Variants in PIK3CG observed in about 807,000 individuals in gnomAD.
The protein encoded by PIK3CG is phosphatidylinositol-4,5-bisphosphate 3-kinase catalytic subunit gamma.
Under a neutral mutation model 102.3 loss-of-function variants are expected in PIK3CG, and 55 were observed. The ratio of observed to expected loss-of-function variants is 0.54; its 90% CI spans 0.43 to 0.67. PIK3CG has a LOEUF of 0.67. Ranked by LOEUF, PIK3CG falls within the 30% of genes least tolerant of loss-of-function variation. PIK3CG has a pLI of 0.00. For missense variants in PIK3CG, 1,258 were observed against 1,391.8 expected (o/e 0.90, Z 1.53); for synonymous variants, 552 against 540.0 (o/e 1.02, Z -0.31).
Position 106,890,443 on chromosome 7 carries a change from A to C in PIK3CG, c.3030+4151A>C, listed in dbSNP as rs1791238483. 6.6e-6 allele frequency among the ~76,000 whole-genome samples: 1 copy of C among 152,180 alleles called. No individual in the cohort carries two copies. The highest frequency in any genetic ancestry group is 1.5e-5 in the Non-Finnish European group (1 of 68,028). On this transcript the variant is annotated intron_variant, in intron 10 of 10. Transcript: ENST00000496166. This position sits in a 1 kb window ranked among gnomAD's most constrained non-coding sequence, Gnocchi z 4.2. ...TGATCCGGCTGCCTCAGCCTCCCAAAGTGCTGGGACTACAGGCGTGAGCCA... is the reference window on the plus strand; with the variant it reads ...TGATCCGGCTGCCTCAGCCTCCCAACGTGCTGGGACTACAGGCGTGAGCCA...
chr7:106,887,799 GA>G (rs1562962907), intron 10 of PIK3CG, among the ~76,000 whole-genome samples: 1 of 152,026 alleles, frequency 6.6e-6, no homozygotes, highest in African/African-American at 2.4e-5. Context: ...TTAAAGGGGG[GA>G]AAACACTCAT....
chr7:106,890,123 G>A lies in PIK3CG; in HGVS notation c.3030+3831G>A, dbSNP rs1791230194. On this transcript the variant is annotated intron_variant, in intron 10 of 10. Transcript: ENST00000496166. This position sits in a 1 kb window ranked among gnomAD's most constrained non-coding sequence, Gnocchi z 4.2. Reference sequence around the variant, plus strand: ...AATAAACAAATGTATTTATATCATTGGCAAATGAAATTTGGCTTCTAAGTT... The same window carrying A: ...AATAAACAAATGTATTTATATCATTAGCAAATGAAATTTGGCTTCTAAGTT... Among the ~76,000 whole-genome samples, 2 of 152,108 alleles carry A rather than the reference G, an allele frequency of 1.3e-5. No homozygotes were observed. Among genetic ancestry groups the A allele is most frequent in the African/African-American group, 4.8e-5 (2 of 41,402 alleles).
At chr7:106,881,206 C>A (rs778690469) in intron 6 of PIK3CG, among the ~76,000 whole-genome samples, 2 of 152,080 alleles carry the variant, frequency 1.3e-5, no homozygotes, top group Non-Finnish European at 2.9e-5. Context: ...GCCAAAATTG[C>A]TGGGATTCTA....
In PIK3CG at chr7:106,869,142, A is replaced by G. The variant is rs2116458870; in HGVS notation, c.1581A>G (p.Ile527Met). Reference sequence around the variant, plus strand: ...TTCTGGACAATTACTGCCACCCGATAGCCCTGCCTAAGCATCAGCCCACCC... The same window carrying G: ...TTCTGGACAATTACTGCCACCCGATGGCCCTGCCTAAGCATCAGCCCACCC... ...SILLDNYCHPIALPKHQPTPD... is the reference protein window; with the variant it reads ...SILLDNYCHPMALPKHQPTPD... The change falls in exon 2 of 11, where the codon ATA becomes ATG. Residue 527 changes from isoleucine (I) to methionine (M), a missense_variant. Coordinates refer to ENST00000496166, the MANE Select transcript of PIK3CG (RefSeq NM_001282426.2). The surrounding 1 kb of genome is among the most constrained non-coding windows in gnomAD (Gnocchi z 5.3). 1.2e-6 allele frequency: 2 copies of G among 1,614,204 alleles called. No homozygotes were observed. Among genetic ancestry groups the G allele is most frequent in the Non-Finnish European group, 1.7e-6 (2 of 1,180,048 alleles).
rs751460830 is a variant in PIK3CG at position 106,874,842 on chromosome 7, C to G, written c.2391+39C>G. On this transcript the variant is annotated intron_variant, in intron 5 of 10. Transcript: ENST00000496166. The surrounding 1 kb of genome is among the most constrained non-coding windows in gnomAD (Gnocchi z 4.3). The stretch of plus-strand genomic sequence containing the variant: ...GGATGTCTCCATGTGGTCTTTATGT[C>G]TTGAAGATGTCTAACGTGCTTGCTG... 5.3e-6 allele frequency: 7 copies of G among 1,330,832 alleles called. No individual in the cohort carries two copies. In the East Asian group the frequency reaches 6.9e-5, roughly 13 times the overall value. The allele number at this position is 1,330,832 out of a possible 1,614,324, so 82.4% of individuals were successfully genotyped here.
intron 9 of PIK3CG, among the ~76,000 whole-genome samples, chr7:106,885,339 A>G (rs188403667): frequency 6.6e-6 from 1 of 152,262 alleles, no homozygotes; most frequent in Admixed American, 6.5e-5. Context: ...GCAGAGAAAG[A>G]ACAGAAAGAA....
At position 106,899,639 on chromosome 7, in the gene PIK3CG, AG is replaced by A. The variant is rs1288306043; in HGVS notation, c.3031-5469del. On this transcript the variant is annotated intron_variant, in intron 10 of 10. Coordinates refer to ENST00000496166, the MANE Select transcript of PIK3CG (RefSeq NM_001282426.2). This position sits in a 1 kb window ranked among gnomAD's most constrained non-coding sequence, Gnocchi z 4.6. ...AGATAATCATGTGGTTTTTGTCTTTAGTTCTTTGTATGTGAGAATCACATTT... is the reference window on the plus strand; with the variant it reads ...AGATAATCATGTGGTTTTTGTCTTTATTCTTTGTATGTGAGAATCACATTT... Among the ~76,000 whole-genome samples, 1 of 152,150 alleles carries A rather than the reference AG, an allele frequency of 6.6e-6. No homozygotes were observed. Among genetic ancestry groups the A allele is most frequent in the African/African-American group, 2.4e-5 (1 of 41,440 alleles).
chr7:106,900,103 A>G (rs1791505339), intron 10 of PIK3CG, among the ~76,000 whole-genome samples: 1 of 152,132 alleles, frequency 6.6e-6, no homozygotes, highest in South Asian at 2.1e-4. Flanking sequence ...GTGTCCAGGA[A>G]TGTATCCATC....
Position 106,907,473 on chromosome 7 carries a change from A to G in PIK3CG, c.*2086A>G, listed in dbSNP as rs1791716034. On this transcript the variant is annotated 3_prime_UTR_variant, in exon 11 of 11. Coordinates refer to ENST00000496166, the MANE Select transcript of PIK3CG (RefSeq NM_001282426.2). ...GATAAACATTTTGTGGCACTTCTGG[A>G]CCAACTATTCCCTACTATTCTTTTG... is the stretch of plus-strand genomic sequence containing the variant. Among the ~76,000 whole-genome samples, 1 of 152,150 alleles carries G rather than the reference A, an allele frequency of 6.6e-6. No homozygotes were observed. The highest frequency in any genetic ancestry group is 2.4e-5 in the African/African-American group (1 of 41,438).
rs940774964 is a variant in PIK3CG at position 106,894,657 on chromosome 7, A to T, written c.3030+8365A>T. ...AAATTCTCTGCCTTTGACTGGAATG[A>T]TTTTTATCCATTGTCTCCTTCCTCT... On this transcript the variant is annotated intron_variant, in intron 10 of 10. Coordinates refer to ENST00000496166, the MANE Select transcript of PIK3CG (RefSeq NM_001282426.2). The surrounding 1 kb of genome is among the most constrained non-coding windows in gnomAD (Gnocchi z 4.4). Among the ~76,000 whole-genome samples the T allele has an allele frequency of 2.0e-5, 3 of 152,322 alleles. No individual in the cohort carries two copies. The highest frequency in any genetic ancestry group is 6.5e-5 in the Admixed American group (1 of 15,298).
Position 106,905,316 on chromosome 7 carries a change from T to C in PIK3CG, c.3238T>C (p.Trp1080Arg). The change falls in exon 11 of 11, where the codon TGG becomes CGG. Residue 1080 changes from tryptophan to arginine, a missense_variant. By Grantham distance (101) the Trp-to-Arg change is moderately radical. Around this residue, in one of 2 missense-constraint regions of PIK3CG, gnomAD observed 426 missense variants for 604.2 expected, o/e 0.71. Transcript: ENST00000496166. This position sits in a 1 kb window ranked among gnomAD's most constrained non-coding sequence, Gnocchi z 5.6. ...GATCGAAGTTTGCAGAGACAAAGGA[T>C]GGACTGTGCAGTTTAATTGGTTTCT... is the stretch of plus-strand genomic sequence containing the variant. ...DQIEVCRDKG[W>R]TVQFNWFLHL... The C allele has an allele frequency of 6.2e-7, 1 of 1,614,094 alleles. No individual in the cohort carries two copies. The highest frequency in any genetic ancestry group is 8.5e-7 in the Non-Finnish European group (1 of 1,179,962).
In PIK3CG at chr7:106,868,245, C is replaced by A. The variant is rs776654271; in HGVS notation, c.684C>A (p.Thr228=). The change falls in exon 2 of 11, where the codon ACC becomes ACA. Residue 228 remains threonine, a synonymous_variant. Transcript: ENST00000496166. The surrounding 1 kb of genome is among the most constrained non-coding windows in gnomAD (Gnocchi z 6.2). ...NCIFIVIHRS[T]TSQTIKVSPD... is the part of the protein sequence containing the mutation. ...TCTTCATCGTCATTCACCGCAGCAC[C>A]ACCAGCCAGACCATTAAGGTCTCAC... 6.2e-7 allele frequency: 1 copy of A among 1,613,388 alleles called. No individual in the cohort carries two copies. Among genetic ancestry groups the A allele is most frequent in the East Asian group, 2.2e-5 (1 of 44,878 alleles).
chr7:106,905,386 A>G lies in PIK3CG; in HGVS notation c.3308A>G (p.Ter1103=), dbSNP rs1215383165. 6.2e-7 allele frequency: 1 copy of G among 1,611,714 alleles called. No individual in the cohort carries two copies. The highest frequency in any genetic ancestry group is 2.2e-5 in the East Asian group (1 of 44,836). ...GIKQGEKHSA[*] ...AAACAAGGAGAGAAACATTCAGCCT[A>G]ATACTTTAGGCTAGAATCAAAAACA... is the stretch of plus-strand genomic sequence containing the variant. The change falls in exon 11 of 11, where the codon TAA becomes TGA. Residue 1103 remains the stop codon, a stop_retained_variant. Coordinates refer to ENST00000496166, the MANE Select transcript of PIK3CG (RefSeq NM_001282426.2). The surrounding 1 kb of genome is among the most constrained non-coding windows in gnomAD (Gnocchi z 5.6).
chr7:106,905,815 G>A lies in PIK3CG; in HGVS notation c.*428G>A, dbSNP rs1446098489. 1.6e-5 allele frequency: 4 copies of A among 253,868 alleles called. No individual in the cohort carries two copies. The East Asian group carries it at 1.8e-4, about 11-fold the overall frequency. 15.7% of individuals were successfully genotyped at this position (253,868 alleles called of 1,614,324 possible). ...GCTCTTTAAAGAAAAAGATGTAATC[G>A]TTGTAACCTTTGTCTCATTCCTTAA... On this transcript the variant is annotated 3_prime_UTR_variant, in exon 11 of 11. Coordinates refer to ENST00000496166, the MANE Select transcript of PIK3CG (RefSeq NM_001282426.2). This position sits in a 1 kb window ranked among gnomAD's most constrained non-coding sequence, Gnocchi z 5.6.
intron 10 of PIK3CG, among the ~76,000 whole-genome samples, chr7:106,887,069 C>T (rs754221204): frequency 4.6e-5 from 7 of 152,176 alleles, no homozygotes; most frequent in Non-Finnish European, 8.8e-5. Flanking sequence ...TAAAAGCCAT[C>T]CTGGGCTACA....
rs864622026 is a variant in PIK3CG at position 106,868,975 on chromosome 7, C to G, written c.1414C>G (p.Arg472Gly). The change falls in exon 2 of 11, where the codon CGT becomes GGT. Residue 472 changes from arginine (R) to glycine (G), a missense_variant. By Grantham distance (125) the Arg-to-Gly change is moderately radical. Coordinates refer to ENST00000496166, the MANE Select transcript of PIK3CG (RefSeq NM_001282426.2). This position sits in a 1 kb window ranked among gnomAD's most constrained non-coding sequence, Gnocchi z 6.2. ...TGTGAACCTGCTGCTGATAGACCAC[C>G]GTTTCCTCCTGCGCCGTGGAGAATA... ...YYVNLLLIDHRFLLRRGEYVL... is the reference protein window; with the variant it reads ...YYVNLLLIDHGFLLRRGEYVL... 2.5e-6 allele frequency: 4 copies of G among 1,614,164 alleles called. No individual in the cohort carries two copies. The highest frequency in any genetic ancestry group is 3.4e-6 in the Non-Finnish European group (4 of 1,180,034).
rs201626520 is a variant in PIK3CG, at chr7:106,879,476, G to A, written c.2392-43G>A. On this transcript the variant is annotated intron_variant, in intron 5 of 10. Transcript: ENST00000496166. This position sits in a 1 kb window ranked among gnomAD's most constrained non-coding sequence, Gnocchi z 4.9. ...ATTTGTGTCTCCACCATGTATATTC[G>A]TTATTCATTGTGTGTGGGGAATATG... is the stretch of plus-strand genomic sequence containing the variant. 1.1e-5 allele frequency: 16 copies of A among 1,521,298 alleles called. No individual in the cohort carries two copies. The highest frequency in any genetic ancestry group is 1.7e-5 in the Admixed American group (1 of 59,198). The allele number at this position is 1,521,298 out of a possible 1,614,324, so 94.2% of individuals were successfully genotyped here.
chr7:106,887,340 C>T (rs1791128231), intron 10 of PIK3CG, among the ~76,000 whole-genome samples: 1 of 152,186 alleles, frequency 6.6e-6, no homozygotes, highest in African/African-American at 2.4e-5. Context: ...AGCCACCTCC[C>T]TTAGTACATC....
rs370717062 is a variant in PIK3CG, at chr7:106,868,297, C to A, written c.736C>A (p.Gln246Lys). 1.3e-4 allele frequency: 210 copies of A among 1,614,040 alleles called. No individual in the cohort carries two copies. The highest frequency in any genetic ancestry group is 1.7e-4 in the Non-Finnish European group (204 of 1,180,054). ...CGACGACACCCCCGGCGCCATCCTGCAGAGCTTCTTCACCAAGATGGCCAA... is the reference window on the plus strand; with the variant it reads ...CGACGACACCCCCGGCGCCATCCTGAAGAGCTTCTTCACCAAGATGGCCAA... Reference protein sequence around the residue: ...SPDDTPGAILQSFFTKMAKKK... With the variant: ...SPDDTPGAILKSFFTKMAKKK... The change falls in exon 2 of 11, where the codon CAG (glutamine) becomes AAG (lysine). Residue 246 changes from glutamine to lysine, a missense_variant. Physicochemically the swap from Gln to Lys is moderately conservative, Grantham distance 53. Coordinates refer to ENST00000496166, the MANE Select transcript of PIK3CG (RefSeq NM_001282426.2). This position sits in a 1 kb window ranked among gnomAD's most constrained non-coding sequence, Gnocchi z 6.2.
Sources: gnomAD v4.1 joint callset for allele counts (sites outside exome capture counted in the v4.1 genomes callset) on GRCh38, gnomAD v4.1.1 for gene constraint, gnomAD v4.1.1 regional missense constraint, Gnocchi (gnomAD v3.1) non-coding constraint, MANE v1.5 for transcripts, NCBI Gene and HGNC (gene_info 2026-07-23, HGNC 2026-07-21) for gene names.